VDAC1: variants seen among roughly 807,000 people sequenced by gnomAD.
VDAC1 encodes non-selective voltage-gated ion channel VDAC1.
Under a neutral mutation model 34.7 loss-of-function variants are expected in VDAC1, and 10 were observed. The observed-to-expected ratio is 0.29, with a 90% CI of 0.18 to 0.49. The LOEUF (loss-of-function observed/expected upper bound fraction) is 0.49. Ranked by LOEUF, VDAC1 falls within the 20% of genes least tolerant of loss-of-function variation. The pLI, the probability that VDAC1 is intolerant of heterozygous loss-of-function variation, is 0.99. For synonymous variants in VDAC1, 130 were observed against 136.0 expected, an observed-to-expected ratio of 0.96 and a Z score of 0.30; for missense variants, 230 against 347.9, an observed-to-expected ratio of 0.66 and a Z score of 2.69.
intron 1 of VDAC1, among the ~76,000 whole-genome samples, chr5:133,994,413 G>A (rs1229583485): frequency 2.0e-5 from 3 of 152,124 alleles, no homozygotes; most frequent in Non-Finnish European, 2.9e-5. Flanking sequence ...TATTTTTGTC[G>A]CTGCTGTGTT....
the VDAC1 span, among the ~76,000 whole-genome samples, chr5:134,095,484 GTAAATAAA>G: frequency 6.0e-3 from 858 of 142,658 alleles, 4 homozygotes; most frequent in Non-Finnish European, 8.4e-3. Context: ...CTCTGTCTCA[GTAAATAAA>G]TAAATAAATA....
the VDAC1 span, among the ~76,000 whole-genome samples, chr5:134,018,422 A>G: frequency 3.3e-5 from 5 of 152,218 alleles, no homozygotes; most frequent in African/African-American, 1.2e-4. Context: ...TGGGGCTCAT[A>G]TTCCAACATG....
chr5:134,108,486 C>T, the VDAC1 span, among the ~76,000 whole-genome samples: 12 of 152,296 alleles, frequency 7.9e-5, no homozygotes, highest in African/African-American at 2.9e-4. Context: ...ACCCTGCCCA[C>T]CACATCCCGT....
the VDAC1 span, among the ~76,000 whole-genome samples, chr5:134,010,970 T>C: frequency 5.5e-5 from 4 of 72,456 alleles, no homozygotes; most frequent in African/African-American, 1.2e-4. Flanking sequence ...CCCCATTCCC[T>C]TTTTTTTTTT....
chr5:133,976,143 T>A, intron 6 of VDAC1, 122 bp from the exon 7 acceptor site: 1 of 1,228,744 alleles, frequency 8.1e-7, no homozygotes, highest in Non-Finnish European at 1.2e-6. Context: ...ATACTGGTAT[T>A]AAGGGAAGTC....
the VDAC1 span, among the ~76,000 whole-genome samples, chr5:134,030,516 G>A: frequency 5.3e-5 from 8 of 152,132 alleles, no homozygotes; most frequent in Admixed American, 4.6e-4. Flanking sequence ...GGTTCTGTTT[G>A]AAAGCTCTAA....
chr5:134,021,745 T>C, the VDAC1 span, among the ~76,000 whole-genome samples: 1 of 152,182 alleles, frequency 6.6e-6, no homozygotes, highest in Non-Finnish European at 1.5e-5. Context: ...GCTGCTGGGA[T>C]GTGCAGGTGG....
the VDAC1 span, among the ~76,000 whole-genome samples, chr5:134,037,870 A>G: frequency 6.6e-6 from 1 of 152,214 alleles, no homozygotes; most frequent in African/African-American, 2.4e-5. Flanking sequence ...TATTGTATCA[A>G]TGTTAACTCC....
chr5:134,082,783 C>T, the VDAC1 span, among the ~76,000 whole-genome samples: 2 of 152,160 alleles, frequency 1.3e-5, no homozygotes, highest in Non-Finnish European at 2.9e-5. Context: ...AGTAGTGGTA[C>T]CTCATTGTGG....
At chr5:134,087,181 G>T in the VDAC1 span, among the ~76,000 whole-genome samples, 1 of 152,112 alleles carries the variant, frequency 6.6e-6, no homozygotes, top group African/African-American at 2.4e-5. Context: ...GTGGTTGTGG[G>T]TGCCGTTTCA....
the VDAC1 span, among the ~76,000 whole-genome samples, chr5:134,109,512 G>A: frequency 2.0e-5 from 3 of 152,156 alleles, no homozygotes; most frequent in East Asian, 1.9e-4. Flanking sequence ...GCTCACGCTT[G>A]TAATCCCAGC....
chr5:134,072,471 C>A, the VDAC1 span, among the ~76,000 whole-genome samples: 18 of 152,216 alleles, frequency 1.2e-4, no homozygotes, highest in South Asian at 4.1e-4. Context: ...AACAGAGGAA[C>A]CTGCAGTTGA....
chr5:134,071,281 G>T, the VDAC1 span, among the ~76,000 whole-genome samples: 1 of 152,228 alleles, frequency 6.6e-6, no homozygotes, highest in Non-Finnish European at 1.5e-5. This position sits in a 1 kb window ranked among gnomAD's most constrained non-coding sequence, Gnocchi z 4.1. Context: ...CGCCGTGCGG[G>T]AGGGGGCAGC....
At chr5:134,043,018 G>C in the VDAC1 span, among the ~76,000 whole-genome samples, 1 of 152,218 alleles carries the variant, frequency 6.6e-6, no homozygotes, top group Non-Finnish European at 1.5e-5. Flanking sequence ...CCTGAGCTTG[G>C]ATGAAAGAAT....
intron 3 of VDAC1, among the ~76,000 whole-genome samples, chr5:133,991,384 C>G (rs1753097142): frequency 6.6e-6 from 1 of 152,248 alleles, no homozygotes; most frequent in Admixed American, 6.5e-5. Context: ...CTTCCTTCCT[C>G]CCTGTAACTC....
chr5:134,072,084 C>T, the VDAC1 span, among the ~76,000 whole-genome samples: 2 of 152,118 alleles, frequency 1.3e-5, no homozygotes, highest in African/African-American at 2.4e-5. Context: ...GCAGCTCGCC[C>T]TAGGGTCCAG....
chr5:133,984,341 G>A (rs1278879877), intron 5 of VDAC1, among the ~76,000 whole-genome samples: 2 of 151,414 alleles, frequency 1.3e-5, no homozygotes, highest in Non-Finnish European at 2.9e-5. Flanking sequence ...GATTACAGGT[G>A]TGAGCCACCT....
chr5:134,073,870 A>G, the VDAC1 span, among the ~76,000 whole-genome samples: 10 of 152,208 alleles, frequency 6.6e-5, no homozygotes, highest in African/African-American at 2.4e-4. Context: ...ATACTTAACA[A>G]TGAAAATGCA....
intron 5 of VDAC1, among the ~76,000 whole-genome samples, chr5:133,990,516 C>T (rs890180273): frequency 6.6e-6 from 1 of 152,222 alleles, no homozygotes; most frequent in African/African-American, 2.4e-5. Context: ...TGGTCTGAAT[C>T]CTCTATTAGA....
Sources: allele counts gnomAD v4.1 joint callset (sites outside exome capture counted in the v4.1 genomes callset), GRCh38; gene constraint gnomAD v4.1.1; non-coding constraint Gnocchi (gnomAD v3.1); transcripts MANE v1.5; gene names NCBI Gene and HGNC (gene_info 2026-07-23, HGNC 2026-07-21).